RBFOX1: variants seen among roughly 807,000 people sequenced by gnomAD.
RBFOX1 encodes the protein RNA binding fox-1 homolog 1.
Under a neutral mutation model 57.7 loss-of-function variants are expected in RBFOX1, and 8 were observed. The ratio of observed to expected loss-of-function variants is 0.14; its 90% CI spans 0.08 to 0.25. The LOEUF is 0.25. Among genes scored for constraint, RBFOX1 ranks in the 10% least tolerant of loss-of-function variants. The pLI, the probability that RBFOX1 is intolerant of heterozygous loss-of-function variation, is 1.00. For synonymous variants in RBFOX1, 326 were observed against 222.4 expected (o/e 1.47, Z -4.15); for missense variants, 611 against 548.5 (o/e 1.11, Z -1.14).
intron 1 of RBFOX1, among the ~76,000 whole-genome samples, chr16:6,208,840 T>C (rs1345448479): frequency 6.6e-6 from 1 of 152,190 alleles, no homozygotes; most frequent in Non-Finnish European, 1.5e-5. Context: ...GCATGAGGTA[T>C]AGCCTATGTG....
At chr16:6,404,025 T>G (rs929749685) in intron 2 of RBFOX1, among the ~76,000 whole-genome samples, 4 of 152,100 alleles carry the variant, frequency 2.6e-5, no homozygotes, top group Non-Finnish European at 5.9e-5. Flanking sequence ...TCCAGAAATC[T>G]GAGAGTGTAA....
rs1295688879 is a variant in RBFOX1 at position 6,733,769 on chromosome 16, C to G, written c.-16+79119C>G. Among the ~76,000 whole-genome samples, 3 of 152,094 alleles carry G rather than the reference C, an allele frequency of 2.0e-5. No homozygotes were observed. In the East Asian group the frequency reaches 5.8e-4, roughly 29 times the overall value. ...CGAGACCCTGCCTTAAAAAAAAATTCTGACCTCTGAAATCTGACAAAGCTG... is the reference window on the plus strand; with the variant it reads ...CGAGACCCTGCCTTAAAAAAAAATTGTGACCTCTGAAATCTGACAAAGCTG... On this transcript the variant is annotated intron_variant, in intron 3 of 15. Coordinates refer to ENST00000550418, the MANE Select transcript of RBFOX1 (RefSeq NM_018723.4).
chr16:5,343,298 GTTTTTTTTTTT>G (rs33934959), intron 1 of RBFOX1, among the ~76,000 whole-genome samples: 1 of 109,952 alleles, frequency 9.1e-6, no homozygotes, highest in Non-Finnish European at 1.7e-5. Flanking sequence ...CTTCTTTGAA[GTTTTTTTTTTT>G]TTTTTTTTTG....
intron 1 of RBFOX1, among the ~76,000 whole-genome samples, chr16:5,269,728 G>C (rs1238115332): frequency 2.6e-5 from 4 of 152,164 alleles, no homozygotes; most frequent in African/African-American, 9.7e-5. Context: ...TCTTTTTGAG[G>C]TGATGAAATG....
At chr16:6,978,009 T>C (rs935717585) in intron 3 of RBFOX1, among the ~76,000 whole-genome samples, 2 of 150,552 alleles carry the variant, frequency 1.3e-5, no homozygotes, top group African/African-American at 2.5e-5. Context: ...TCAGCATTCT[T>C]GTGTGTTTAT....
At chr16:6,931,903 G>A (rs1384114993) in intron 3 of RBFOX1, among the ~76,000 whole-genome samples, 1 of 152,178 alleles carries the variant, frequency 6.6e-6, no homozygotes, top group Non-Finnish European at 1.5e-5. Context: ...GAGCGCATGT[G>A]AGAGGGAGGA....
At chr16:7,251,230 C>G (rs1017505869) in intron 4 of RBFOX1, among the ~76,000 whole-genome samples, 1 of 151,644 alleles carries the variant, frequency 6.6e-6, no homozygotes, top group African/African-American at 2.4e-5. Flanking sequence ...ATGAGTTCAA[C>G]TATTTCAGAT....
At chr16:5,760,720 T>C (rs1390918561) in intron 3 of RBFOX1, among the ~76,000 whole-genome samples, 1 of 152,176 alleles carries the variant, frequency 6.6e-6, no homozygotes, top group East Asian at 1.9e-4. Flanking sequence ...TGTGGGGTTT[T>C]GCCATTATAT....
intron 4 of RBFOX1, among the ~76,000 whole-genome samples, chr16:5,990,799 A>T (rs2060379489): frequency 6.6e-6 from 1 of 152,010 alleles, no homozygotes; most frequent in Non-Finnish European, 1.5e-5. Flanking sequence ...CATGAGGAAA[A>T]TCCATCTCTA....
intron 3 of RBFOX1, among the ~76,000 whole-genome samples, chr16:6,843,297 G>A (rs553219373): frequency 2.0e-5 from 3 of 152,224 alleles, no homozygotes; most frequent in East Asian, 3.9e-4. Context: ...ACACAGAGTG[G>A]CCATGGTGGT....
chr16:5,299,268 C>T (rs1324409417), intron 1 of RBFOX1, among the ~76,000 whole-genome samples: 1 of 151,472 alleles, frequency 6.6e-6, no homozygotes, highest in Non-Finnish European at 1.5e-5. Context: ...GTGGTTCGTT[C>T]TTTTTTTTGT....
chr16:5,569,437 C>CTTTTTTTT (rs1567240622), intron 2 of RBFOX1, among the ~76,000 whole-genome samples: 1 of 58,618 alleles, frequency 1.7e-5, no homozygotes, highest in African/African-American at 6.1e-5. Flanking sequence ...TAAGAAGTAA[C>CTTTTTTTT]CTTTTTTTTT....
At chr16:5,649,137 A>G (rs1291268879) in intron 3 of RBFOX1, among the ~76,000 whole-genome samples, 1 of 152,066 alleles carries the variant, frequency 6.6e-6, no homozygotes, top group African/African-American at 2.4e-5. Context: ...ATATACATAC[A>G]TATACATATA....
At chr16:5,910,408 G>C (rs2058576228) in intron 4 of RBFOX1, among the ~76,000 whole-genome samples, 1 of 152,202 alleles carries the variant, frequency 6.6e-6, no homozygotes, top group South Asian at 2.1e-4. Flanking sequence ...AGCTCAGAAT[G>C]CTTATGGGAG....
intron 4 of RBFOX1, among the ~76,000 whole-genome samples, chr16:7,280,837 A>C (rs1046603630): frequency 4.6e-5 from 7 of 152,034 alleles, no homozygotes; most frequent in Non-Finnish European, 8.8e-5. Flanking sequence ...CTGGGGTGCA[A>C]AATCACCCAC....
At chr16:7,286,384 A>G (rs867170078) in intron 4 of RBFOX1, among the ~76,000 whole-genome samples, 13 of 151,242 alleles carry the variant, frequency 8.6e-5, no homozygotes, top group South Asian at 6.3e-4. Context: ...ATAAAAGCCT[A>G]TCTTGTGAAA....
chr16:7,138,494 C>T (rs1418894399), intron 4 of RBFOX1, among the ~76,000 whole-genome samples: 1 of 152,198 alleles, frequency 6.6e-6, no homozygotes, highest in Non-Finnish European at 1.5e-5. Context: ...TGAGCATGCA[C>T]ATCTCTGCCC....
chr16:6,574,094 C>T (rs1378983323), intron 2 of RBFOX1, among the ~76,000 whole-genome samples: 1 of 152,134 alleles, frequency 6.6e-6, no homozygotes, highest in African/African-American at 2.4e-5. Flanking sequence ...TTCATTCAAG[C>T]GATGAGAGGG....
chr16:7,463,954 G>T (rs1277533796), intron 4 of RBFOX1, among the ~76,000 whole-genome samples: 1 of 152,200 alleles, frequency 6.6e-6, no homozygotes, highest in African/African-American at 2.4e-5. Context: ...GACATTGAAT[G>T]CTTTGGTGTC....
Sources: allele counts gnomAD v4.1 joint callset (sites outside exome capture counted in the v4.1 genomes callset), GRCh38; gene constraint gnomAD v4.1.1; transcripts MANE v1.5; gene names NCBI Gene and HGNC (gene_info 2026-07-23, HGNC 2026-07-21).